Variants in PHACTR1 observed in about 807,000 individuals in gnomAD.
The protein encoded by PHACTR1 is RPEL repeat containing 1.
A neutral mutation model predicts 69.2 loss-of-function variants in PHACTR1; 16 were observed. The observed-to-expected ratio is 0.23, with a 90% CI of 0.16 to 0.35. The LOEUF is 0.35. Ranked by LOEUF, PHACTR1 falls within the 10% of genes least tolerant of loss-of-function variation. PHACTR1 has a pLI of 1.00. For synonymous variants in PHACTR1, 312 were observed against 284.5 expected (o/e 1.10, Z -0.97); for missense variants, 510 against 734.7 (o/e 0.69, Z 3.54).
chr6:13,283,246 A>G lies in PHACTR1; in HGVS notation c.1510-176A>G. On this transcript the variant is annotated intron_variant, in intron 12 of 14. Transcript: ENST00000332995. This position sits in a 1 kb window ranked among gnomAD's most constrained non-coding sequence, Gnocchi z 4.7. ...TAGAAACGTCCCACTCCCAAGAGTC[A>G]GGAGACTTGGGTCCCCCCACCCTGG... 1 of 674,820 alleles carries G rather than the reference A, an allele frequency of 1.5e-6. No homozygotes were observed. The highest frequency in any genetic ancestry group is 2.4e-6 in the Non-Finnish European group (1 of 414,752). The allele number at this position is 674,820 out of a possible 1,614,324, so 41.8% of individuals were successfully genotyped here.
chr6:13,054,584 C>T (rs1280518798), intron 5 of PHACTR1, among the ~76,000 whole-genome samples: 1 of 152,164 alleles, frequency 6.6e-6, no homozygotes, highest in Non-Finnish European at 1.5e-5. Context: ...ACTCACATCA[C>T]CTCTTCATTT....
At chr6:12,957,974 G>T (rs1035603025) in intron 4 of PHACTR1, 1 of 985,316 alleles carries the variant, frequency 1.0e-6, no homozygotes, top group Non-Finnish European at 1.2e-6. Flanking sequence ...CTATTGGAAA[G>T]CCAGGAAACA....
At chr6:12,933,604 T>C in intron 4 of PHACTR1, 1 of 1,611,246 alleles carries the variant, frequency 6.2e-7, no homozygotes, top group South Asian at 1.1e-5. Context: ...GCTCACACCT[T>C]AATGTCTTCA....
intron 4 of PHACTR1, among the ~76,000 whole-genome samples, chr6:12,987,843 A>T (rs1435154243): frequency 6.6e-6 from 1 of 152,236 alleles, no homozygotes; most frequent in Non-Finnish European, 1.5e-5. Flanking sequence ...AGAATTCTAA[A>T]GTCCTGATGA....
intron 8 of PHACTR1, among the ~76,000 whole-genome samples, chr6:13,208,814 G>A (rs764255906): frequency 1.3e-5 from 2 of 152,220 alleles, no homozygotes; most frequent in Admixed American, 6.5e-5. Context: ...TATAATATCT[G>A]TGGGTATTTG....
intron 4 of PHACTR1, among the ~76,000 whole-genome samples, chr6:12,911,696 G>A (rs1050968438): frequency 3.7e-4 from 57 of 152,048 alleles, no homozygotes; most frequent in African/African-American, 1.3e-3. Context: ...GACCGCTGGC[G>A]TCTCAGCTGA....
chr6:13,277,390 G>A (rs921544553), intron 11 of PHACTR1, among the ~76,000 whole-genome samples: 22 of 152,162 alleles, frequency 1.4e-4, no homozygotes, highest in African/African-American at 5.1e-4. Context: ...GGACTTCATG[G>A]AAGATTCAAA....
intron 4 of PHACTR1, among the ~76,000 whole-genome samples, chr6:12,950,652 C>T (rs530553167): frequency 1.6e-4 from 24 of 152,274 alleles, no homozygotes; most frequent in Admixed American, 1.4e-3. Context: ...TGTCCTTCTC[C>T]GTTTTATACA....
intron 3 of PHACTR1, among the ~76,000 whole-genome samples, chr6:12,746,109 G>A (rs1027331131): frequency 1.2e-4 from 18 of 152,176 alleles, no homozygotes; most frequent in Admixed American, 3.3e-4. Context: ...GAACTGTTAC[G>A]AAGACTAAGG....
At chr6:12,770,075 G>T (rs1769186564) in intron 4 of PHACTR1, among the ~76,000 whole-genome samples, 1 of 152,234 alleles carries the variant, frequency 6.6e-6, no homozygotes, top group South Asian at 2.1e-4. Flanking sequence ...GTGGGAAGCA[G>T]GGTATGAGTC....
At chr6:13,130,217 T>C (rs1820202008) in intron 5 of PHACTR1, among the ~76,000 whole-genome samples, 1 of 151,938 alleles carries the variant, frequency 6.6e-6, no homozygotes, top group South Asian at 2.1e-4. Flanking sequence ...ATAGACAATC[T>C]AATGTCATAC....
chr6:12,959,201 GA>G (rs67449659), intron 4 of PHACTR1, among the ~76,000 whole-genome samples: 25,802 of 118,182 alleles, frequency 0.22, 3,532 homozygotes, highest in African/African-American at 0.44. Context: ...AAAAAGAAAA[GA>G]AAAAAAAAAG....
chr6:12,869,921 G>A (rs1781851966), intron 4 of PHACTR1, among the ~76,000 whole-genome samples: 3 of 152,146 alleles, frequency 2.0e-5, no homozygotes, highest in Admixed American at 2.0e-4. Flanking sequence ...CTCTGTGTCA[G>A]GCATTGTCCC....
intron 3 of PHACTR1, among the ~76,000 whole-genome samples, chr6:12,742,124 G>T (rs868141548): frequency 6.6e-6 from 1 of 152,158 alleles, no homozygotes; most frequent in Middle Eastern, 3.2e-3. Context: ...AAGCAAGTTT[G>T]TTAAGAAAGC....
At chr6:13,063,320 G>A (rs1306897678) in intron 5 of PHACTR1, among the ~76,000 whole-genome samples, 2 of 152,182 alleles carry the variant, frequency 1.3e-5, no homozygotes, top group Non-Finnish European at 2.9e-5. Flanking sequence ...GCTTGAAGGA[G>A]ACAAGCCCAA....
chr6:12,784,517 C>T (rs983390030), intron 4 of PHACTR1, among the ~76,000 whole-genome samples: 1 of 151,252 alleles, frequency 6.6e-6, no homozygotes, highest in Non-Finnish European at 1.5e-5. Flanking sequence ...TGTATCTAGA[C>T]ACACATATAC....
At chr6:12,784,136 T>C (rs1771188199) in intron 4 of PHACTR1, among the ~76,000 whole-genome samples, 1 of 152,006 alleles carries the variant, frequency 6.6e-6, no homozygotes, top group African/African-American at 2.4e-5. Flanking sequence ...CATATGCACA[T>C]ATACATATGT....
intron 7 of PHACTR1, among the ~76,000 whole-genome samples, chr6:13,198,810 A>G (rs1764789125): frequency 6.6e-6 from 1 of 152,246 alleles, no homozygotes; most frequent in Non-Finnish European, 1.5e-5. Context: ...GAGATTAAGC[A>G]ATTTGCTGAA....
At chr6:13,271,322 GAT>G (rs888077213) in intron 10 of PHACTR1, among the ~76,000 whole-genome samples, 2 of 152,144 alleles carry the variant, frequency 1.3e-5, no homozygotes, top group Non-Finnish European at 2.9e-5. Flanking sequence ...GAGCAATGGG[GAT>G]TACCATTCAA....
Sources: gnomAD v4.1 joint callset for allele counts (sites outside exome capture counted in the v4.1 genomes callset) on GRCh38, gnomAD v4.1.1 for gene constraint, Gnocchi (gnomAD v3.1) non-coding constraint, MANE v1.5 for transcripts, NCBI Gene and HGNC (gene_info 2026-07-23, HGNC 2026-07-21) for gene names.